NALF1: variants seen among roughly 807,000 people sequenced by gnomAD.
NALF1 encodes NALCN channel auxiliary factor 1.
A neutral mutation model predicts 48.4 loss-of-function variants in NALF1; 3 were observed. That is an observed-to-expected ratio of 0.06 (90% CI 0.03 to 0.16). NALF1 has a LOEUF of 0.16. NALF1 is among the 10% of genes least tolerant of loss of function. NALF1 has a pLI of 1.00. For synonymous variants in NALF1, 262 were observed against 245.7 expected (o/e 1.07, Z -0.62); for missense variants, 526 against 571.5 (o/e 0.92, Z 0.81).
At chr13:107,725,178 CTT>C (rs1417587704) in intron 1 of NALF1, among the ~76,000 whole-genome samples, 4 of 152,170 alleles carry the variant, frequency 2.6e-5, no homozygotes, top group Non-Finnish European at 5.9e-5. Context: ...AGCTCAATAA[CTT>C]AAGACAAATC....
At chr13:107,589,071 T>G (rs190920391) in intron 1 of NALF1, among the ~76,000 whole-genome samples, 1 of 152,186 alleles carries the variant, frequency 6.6e-6, no homozygotes, top group Admixed American at 6.6e-5. Context: ...CCAGAATTTT[T>G]GTTTATGGTT....
At chr13:107,785,043 G>C (rs1489754155) in intron 1 of NALF1, among the ~76,000 whole-genome samples, 2 of 151,362 alleles carry the variant, frequency 1.3e-5, no homozygotes, top group Non-Finnish European at 3.0e-5. Context: ...GATAAACTGT[G>C]GTGTGTGTGT....
chr13:107,330,802 C>T lies in NALF1; in HGVS notation c.916-120047G>A, dbSNP rs576097744. Among the ~76,000 whole-genome samples the T allele has an allele frequency of 7.9e-5, 12 of 152,316 alleles. 1 individual carries two copies. The East Asian group carries it at 2.3e-3, about 29-fold the overall frequency. On this transcript the variant is annotated intron_variant, in intron 1 of 2. Coordinates refer to ENST00000375915, the MANE Select transcript of NALF1 (RefSeq NM_001080396.3). ...TAAATTCAAACCCTGTCATGAGGAA[C>T]ACCATAGAATGCTCAAACAAGAATA...
At chr13:107,458,538 G>A (rs796294692) in intron 1 of NALF1, among the ~76,000 whole-genome samples, 18 of 152,302 alleles carry the variant, frequency 1.2e-4, no homozygotes, top group African/African-American at 3.8e-4. Flanking sequence ...GCAAAGCCAA[G>A]GGCAGCAGGT....
chr13:107,315,987 T>A (rs1288973354), intron 1 of NALF1, among the ~76,000 whole-genome samples: 1 of 152,056 alleles, frequency 6.6e-6, no homozygotes, highest in East Asian at 1.9e-4. Flanking sequence ...CATGTTGGTG[T>A]GCTGCACCCA....
chr13:107,644,808 A>T (rs140231991), intron 1 of NALF1, among the ~76,000 whole-genome samples: 1 of 151,966 alleles, frequency 6.6e-6, no homozygotes, highest in East Asian at 1.9e-4. Flanking sequence ...AAGTGAACAC[A>T]CCTCTGGAAC....
chr13:107,774,838 T>C (rs532675649), intron 1 of NALF1, among the ~76,000 whole-genome samples: 1 of 152,252 alleles, frequency 6.6e-6, no homozygotes, highest in East Asian at 1.9e-4. Flanking sequence ...TCTCAGCTCT[T>C]ATGGTTCTTC....
chr13:107,837,399 C>T (rs4318080), intron 1 of NALF1, among the ~76,000 whole-genome samples: 4,203 of 152,154 alleles, frequency 0.028, 124 homozygotes, highest in African/African-American at 0.072. Context: ...CATGGGATGG[C>T]GTTGGGTCTC....
intron 1 of NALF1, among the ~76,000 whole-genome samples, chr13:107,744,556 G>A (rs966642778): frequency 6.6e-6 from 1 of 152,182 alleles, no homozygotes; most frequent in Non-Finnish European, 1.5e-5. Context: ...CAGCCCTATA[G>A]TGGAGTCCAG....
intron 1 of NALF1, among the ~76,000 whole-genome samples, chr13:107,754,618 T>C (rs900400781): frequency 2.0e-5 from 3 of 152,028 alleles, no homozygotes; most frequent in African/African-American, 7.2e-5. Context: ...TGTCAGCACA[T>C]GAGTTTAAAG....
At chr13:107,628,921 TA>T (rs1879757897) in intron 1 of NALF1, among the ~76,000 whole-genome samples, 1 of 152,152 alleles carries the variant, frequency 6.6e-6, no homozygotes, top group Non-Finnish European at 1.5e-5. Flanking sequence ...GCTCCCCCAT[TA>T]AATTTCATCT....
chr13:107,762,403 A>G (rs1168172619), intron 1 of NALF1, among the ~76,000 whole-genome samples: 4 of 152,132 alleles, frequency 2.6e-5, no homozygotes. Context: ...TTGTGCACAT[A>G]TAGCCTAGAA....
intron 1 of NALF1, among the ~76,000 whole-genome samples, chr13:107,848,084 C>A (rs1880217624): frequency 6.6e-6 from 1 of 152,192 alleles, no homozygotes; most frequent in African/African-American, 2.4e-5. Context: ...TGCTTTCCTT[C>A]AGGATAATTC....
At chr13:107,297,497 G>A (rs757351403) in intron 1 of NALF1, among the ~76,000 whole-genome samples, 52 of 152,196 alleles carry the variant, frequency 3.4e-4, no homozygotes, top group Middle Eastern at 3.4e-3. Flanking sequence ...TGAAAGGAGG[G>A]GGCCAAACTT....
At chr13:107,800,505 T>C (rs1441125503) in intron 1 of NALF1, among the ~76,000 whole-genome samples, 1 of 148,648 alleles carries the variant, frequency 6.7e-6, no homozygotes, top group African/African-American at 2.5e-5. Context: ...TGTACCATCA[T>C]AAACCAAGCA....
At chr13:107,239,277 G>T (rs562775935) in intron 1 of NALF1, among the ~76,000 whole-genome samples, 7 of 152,140 alleles carry the variant, frequency 4.6e-5, no homozygotes, top group African/African-American at 1.7e-4. Flanking sequence ...TCTCTCCAAG[G>T]CTCCTGGAGA....
intron 1 of NALF1, among the ~76,000 whole-genome samples, chr13:107,845,396 G>C (rs1028561212): frequency 6.6e-6 from 1 of 152,148 alleles, no homozygotes; most frequent in Non-Finnish European, 1.5e-5. Context: ...TGATGATAAG[G>C]AATAGGTGGA....
At chr13:107,452,765 A>T (rs931836204) in intron 1 of NALF1, among the ~76,000 whole-genome samples, 1 of 152,136 alleles carries the variant, frequency 6.6e-6, no homozygotes, top group African/African-American at 2.4e-5. Context: ...CTCTTCTGAG[A>T]CCATAAGCCT....
intron 1 of NALF1, among the ~76,000 whole-genome samples, chr13:107,288,207 A>G (rs371321365): frequency 3.2e-4 from 47 of 148,160 alleles, no homozygotes; most frequent in African/African-American, 1.0e-3. Context: ...AGAAATATAT[A>G]TGATCTGAAG....
Sources: allele counts gnomAD v4.1 joint callset (sites outside exome capture counted in the v4.1 genomes callset), GRCh38; gene constraint gnomAD v4.1.1; transcripts MANE v1.5; gene names NCBI Gene and HGNC (gene_info 2026-07-23, HGNC 2026-07-21).